ESR2: variants seen among roughly 807,000 people sequenced by gnomAD.
ESR2 encodes estrogen receptor beta.
ESR2 carries 36 observed loss-of-function variants against 49.6 expected under a neutral mutation model. That is an observed-to-expected ratio of 0.73 (90% CI 0.56 to 0.96). The LOEUF is 0.96. Among genes scored for constraint, ESR2 ranks in the 40% least tolerant of loss-of-function variants. ESR2 has a pLI of 0.00. For synonymous variants in ESR2, 320 were observed against 266.1 expected (o/e 1.20, Z -1.97); for missense variants, 714 against 693.0 (o/e 1.03, Z -0.34).
intron 1 of ESR2, among the ~76,000 whole-genome samples, chr14:64,292,263 G>A (rs1047475766): frequency 2.6e-5 from 4 of 152,094 alleles, no homozygotes; most frequent in Admixed American, 2.6e-4. Flanking sequence ...AAGTAAAAAC[G>A]TACTAAAGAG....
intron 1 of ESR2, among the ~76,000 whole-genome samples, chr14:64,289,838 T>G (rs1417823433): frequency 6.6e-6 from 1 of 152,048 alleles, no homozygotes; most frequent in East Asian, 1.9e-4. Flanking sequence ...ACTAGGAGGA[T>G]AAGTCTAGGA....
intron 1 of ESR2, among the ~76,000 whole-genome samples, chr14:64,304,619 A>G (rs1377406527): frequency 6.6e-6 from 1 of 152,204 alleles, no homozygotes; most frequent in African/African-American, 2.4e-5. Flanking sequence ...TGTAACCTCC[A>G]ACGCTTTGGG....
chr14:64,299,703 C>T (rs553509500), intron 1 of ESR2, among the ~76,000 whole-genome samples: 1 of 152,278 alleles, frequency 6.6e-6, no homozygotes, highest in Non-Finnish European at 1.5e-5. Context: ...ATTTTTTGTG[C>T]ACAGAGCGTG....
chr14:64,302,884 C>T (rs962730510), intron 1 of ESR2, among the ~76,000 whole-genome samples: 5 of 151,896 alleles, frequency 3.3e-5, no homozygotes, highest in African/African-American at 4.8e-5. Context: ...CTGCAACCTC[C>T]GCCTCCTGGG....
intron 1 of ESR2, among the ~76,000 whole-genome samples, chr14:64,290,905 T>A (rs149257351): frequency 6.6e-6 from 1 of 152,306 alleles, no homozygotes; most frequent in East Asian, 1.9e-4. Context: ...TTGGCGCTTA[T>A]TTAGTTGGAT....
At chr14:64,302,728 G>C (rs1303467923) in intron 1 of ESR2, among the ~76,000 whole-genome samples, 2 of 152,196 alleles carry the variant, frequency 1.3e-5, no homozygotes, top group Non-Finnish European at 2.9e-5. Context: ...AAGTAACTAA[G>C]ACCCGACAAG....
chr14:64,242,806 C>T (rs1024608047), intron 7 of ESR2, among the ~76,000 whole-genome samples: 15 of 150,886 alleles, frequency 9.9e-5, no homozygotes, highest in African/African-American at 3.4e-4. Flanking sequence ...TCCATTTTCA[C>T]ACTGCTGATA....
intron 8 of ESR2, 56 bp downstream of exon 8, chr14:64,234,914 G>A (rs753768308): frequency 6.9e-6 from 11 of 1,588,280 alleles, no homozygotes; most frequent in Admixed American, 3.4e-5. Flanking sequence ...TTCACCCTCC[G>A]TGGAGCACAT....
intron 1 of ESR2, among the ~76,000 whole-genome samples, chr14:64,305,985 C>T (rs985849319): frequency 1.8e-4 from 27 of 151,950 alleles, no homozygotes; most frequent in African/African-American, 6.3e-4. Context: ...CCGAGGCAGG[C>T]GGATCACAAG....
At chr14:64,254,271 T>C (rs1339395309) in intron 6 of ESR2, among the ~76,000 whole-genome samples, 1 of 152,134 alleles carries the variant, frequency 6.6e-6, no homozygotes, top group Non-Finnish European at 1.5e-5. Context: ...CCCTTCACTT[T>C]GCAAAAAAGA....
chr14:64,238,956 G>A (rs531758254), intron 7 of ESR2, among the ~76,000 whole-genome samples: 4 of 152,250 alleles, frequency 2.6e-5, no homozygotes, highest in South Asian at 2.1e-4. Context: ...GATTTGCCAC[G>A]TCTGATTTGT....
upstream of ESR2, among the ~76,000 whole-genome samples, chr14:64,296,043 CAAAAAAAAAA>C (rs34335763): frequency 1.1e-5 from 1 of 89,258 alleles, no homozygotes; most frequent in Non-Finnish European, 2.1e-5. Flanking sequence ...GACTCTGTCT[CAAAAAAAAAA>C]AAAAAAAAAA....
intron 4 of ESR2, among the ~76,000 whole-genome samples, chr14:64,266,266 A>C (rs1246138081): frequency 6.6e-6 from 1 of 152,226 alleles, no homozygotes; most frequent in African/African-American, 2.4e-5. Flanking sequence ...ATATTGTGCT[A>C]AGTCTTCATA....
In ESR2 at chr14:64,285,901, C is replaced by T. The variant is rs2076778133; in HGVS notation, c.-90-2826G>A. On this transcript the variant is annotated intron_variant, in intron 1 of 8. Coordinates refer to ENST00000341099, the MANE Select transcript of ESR2 (RefSeq NM_001437.3). ...ATTTTTAGCTCCTTGAAAGCAAGTACCATTTCTTACTCACCTTGCACTGAA... is the reference window on the plus strand; with the variant it reads ...ATTTTTAGCTCCTTGAAAGCAAGTATCATTTCTTACTCACCTTGCACTGAA... 2.0e-5 allele frequency among the ~76,000 whole-genome samples: 3 copies of T among 151,062 alleles called. No homozygotes were observed. The South Asian group carries it at 6.3e-4, about 32-fold the overall frequency.
chr14:64,293,603 G>A (rs1258269915), intron 1 of ESR2, among the ~76,000 whole-genome samples: 2 of 152,224 alleles, frequency 1.3e-5, no homozygotes, highest in Non-Finnish European at 2.9e-5. Flanking sequence ...GAGGAACGCA[G>A]CTTGCTGACA....
chr14:64,311,531 T>A (rs1323668141), intron 1 of ESR2, among the ~76,000 whole-genome samples: 4 of 151,436 alleles, frequency 2.6e-5, no homozygotes, highest in African/African-American at 9.7e-5. Context: ...TCCCAGCTAC[T>A]CAGGAGGCAG....
At chr14:64,274,018 C>T (rs1342189247) in intron 3 of ESR2, among the ~76,000 whole-genome samples, 1 of 151,198 alleles carries the variant, frequency 6.6e-6, no homozygotes, top group Non-Finnish European at 1.5e-5. Context: ...TGTCTTACCA[C>T]AGTCTTGACT....
At chr14:64,250,055 C>G (rs542384962) in intron 6 of ESR2, among the ~76,000 whole-genome samples, 7 of 152,276 alleles carry the variant, frequency 4.6e-5, no homozygotes, top group Non-Finnish European at 7.4e-5. Context: ...AGATATGACA[C>G]GTATTTCAAA....
At chr14:64,287,658 T>C (rs577235724) in intron 1 of ESR2, among the ~76,000 whole-genome samples, 22 of 152,300 alleles carry the variant, frequency 1.4e-4, no homozygotes, top group African/African-American at 3.6e-4. Flanking sequence ...ACTTACACCA[T>C]TGTAATAGTT....
Sources: allele counts gnomAD v4.1 joint callset (sites outside exome capture counted in the v4.1 genomes callset), GRCh38; gene constraint gnomAD v4.1.1; transcripts MANE v1.5; gene names NCBI Gene and HGNC (gene_info 2026-07-23, HGNC 2026-07-21).